Variants in KLHL6 observed in about 807,000 individuals in gnomAD.
KLHL6 encodes the protein kelch-like protein 6.
Under a neutral mutation model 58.6 loss-of-function variants are expected in KLHL6, and 41 were observed. The observed-to-expected ratio is 0.70, with a 90% CI of 0.55 to 0.91. The LOEUF (loss-of-function observed/expected upper bound fraction) is 0.91, where lower values mean the gene tolerates loss of function less well. KLHL6 is among the 40% of genes least tolerant of loss of function. KLHL6 has a pLI of 0.00. For missense variants in KLHL6, 714 were observed against 805.6 expected, an observed-to-expected ratio of 0.89 and a Z score of 1.38; for synonymous variants, 338 against 322.7, an observed-to-expected ratio of 1.05 and a Z score of -0.51.
chr3:183,505,290 T>C (rs1717972040), intron 3 of KLHL6, among the ~76,000 whole-genome samples: 2 of 152,248 alleles, frequency 1.3e-5, no homozygotes. Flanking sequence ...CAGACTGTTT[T>C]TGCAGTACCT....
rs780443236 is a variant in KLHL6 at position 183,499,858 on chromosome 3, G to C, written c.910-31C>G. 6.7e-7 allele frequency: 1 copy of C among 1,493,718 alleles called. No individual in the cohort carries two copies. The highest frequency in any genetic ancestry group is 2.1e-5 in the Admixed American group (1 of 47,792). 92.5% of individuals were successfully genotyped at this position (1,493,718 alleles called of 1,614,324 possible). A position where few individuals can be genotyped will look rare whatever the true frequency, so the allele number is the denominator to read the frequency against. ...AATCGATGGGGGTACATGAAGGCAG[G>C]GACAACACAAAGTTTCAGAGCTCGG... On this transcript the variant is annotated intron_variant, in intron 3 of 6. Coordinates refer to ENST00000341319, the MANE Select transcript of KLHL6 (RefSeq NM_130446.4). This position sits in a 1 kb window ranked among gnomAD's most constrained non-coding sequence, Gnocchi z 4.6.
intron 2 of KLHL6, among the ~76,000 whole-genome samples, chr3:183,515,605 GA>G (rs1163468045): frequency 6.6e-6 from 1 of 152,162 alleles, no homozygotes; most frequent in East Asian, 1.9e-4. Flanking sequence ...ACCTATTCAT[GA>G]AGTTCATTCT....
At chr3:183,511,183 CAT>C (rs1560097642) in intron 2 of KLHL6, among the ~76,000 whole-genome samples, 1 of 152,180 alleles carries the variant, frequency 6.6e-6, no homozygotes, top group African/African-American at 2.4e-5. Context: ...AGCAAGAAAA[CAT>C]GTGAGCAAAG....
chr3:183,520,771 T>C (rs1453274906), intron 2 of KLHL6: 1 of 152,124 alleles, frequency 6.6e-6, no homozygotes, highest in Non-Finnish European at 1.5e-5. Context: ...ATAAGGCGGT[T>C]TTCTCCTATC....
At position 183,491,984 on chromosome 3, in the gene KLHL6, G is replaced by A. The variant is rs1036194364; in HGVS notation, c.1809C>T (p.Thr603=). 2.5e-6 allele frequency: 4 copies of A among 1,576,098 alleles called. No individual in the cohort carries two copies. The South Asian group carries it at 4.6e-5, about 18-fold the overall frequency. ...PRGVSHHGSV[T]IRKSYTHIRR... Reference sequence around the variant, plus strand: ...GGATGTGGGTGTACGACTTCCTGATGGTGACGCTGCCGTGGTGCGACACGC... The same window carrying A: ...GGATGTGGGTGTACGACTTCCTGATAGTGACGCTGCCGTGGTGCGACACGC... The change falls in exon 7 of 7, where the codon ACC becomes ACT. Residue 603 remains threonine (T), a synonymous_variant. Coordinates refer to ENST00000341319, the MANE Select transcript of KLHL6 (RefSeq NM_130446.4).
At chr3:183,504,307 A>G (rs1261610251) in intron 3 of KLHL6, among the ~76,000 whole-genome samples, 2 of 152,216 alleles carry the variant, frequency 1.3e-5, no homozygotes, top group Non-Finnish European at 2.9e-5. Context: ...GTTACAGATC[A>G]GAACTGAGCC....
chr3:183,514,878 C>T (rs1013605703), intron 2 of KLHL6, among the ~76,000 whole-genome samples: 2 of 152,076 alleles, frequency 1.3e-5, no homozygotes, highest in Non-Finnish European at 2.9e-5. Flanking sequence ...CCATGTTGGC[C>T]ATTCTGGTCT....
chr3:183,497,590 G>A (rs999378796), intron 4 of KLHL6, among the ~76,000 whole-genome samples: 2 of 152,140 alleles, frequency 1.3e-5, no homozygotes, highest in Admixed American at 1.3e-4. Context: ...AATGGAATGT[G>A]AGCAAAATTG....
chr3:183,542,795 G>T (rs1712593398), intron 1 of KLHL6, among the ~76,000 whole-genome samples: 1 of 152,044 alleles, frequency 6.6e-6, no homozygotes, highest in Non-Finnish European at 1.5e-5. Flanking sequence ...ATTCATCTTT[G>T]TAAACTCTGT....
chr3:183,531,203 C>T (rs948356604), intron 1 of KLHL6, among the ~76,000 whole-genome samples: 2 of 151,962 alleles, frequency 1.3e-5, no homozygotes, highest in Non-Finnish European at 2.9e-5. Context: ...ACCACTGCCT[C>T]GGTTCAAGAA....
chr3:183,534,325 T>C (rs1230873080), intron 1 of KLHL6, among the ~76,000 whole-genome samples: 1 of 152,070 alleles, frequency 6.6e-6, no homozygotes, highest in East Asian at 1.9e-4. Flanking sequence ...TGTTGGAGTG[T>C]CCAGAGCAAG....
chr3:183,515,471 C>T (rs1711534426), intron 2 of KLHL6, among the ~76,000 whole-genome samples: 2 of 152,130 alleles, frequency 1.3e-5, no homozygotes, highest in African/African-American at 4.8e-5. Context: ...TTGCTTGAGC[C>T]TGGGAGTTCA....
chr3:183,526,252 G>A (rs533777133), intron 2 of KLHL6, among the ~76,000 whole-genome samples: 43 of 152,232 alleles, frequency 2.8e-4, no homozygotes, highest in Admixed American at 8.5e-4. Flanking sequence ...CAGAGGTTGC[G>A]GTGAACCAAG....
intron 1 of KLHL6, among the ~76,000 whole-genome samples, chr3:183,532,513 A>T (rs1712194903): frequency 6.6e-6 from 1 of 152,246 alleles, no homozygotes; most frequent in South Asian, 2.1e-4. Context: ...CCCAAATAAC[A>T]GTCTACGAGG....
At chr3:183,534,377 T>C (rs1164142492) in intron 1 of KLHL6, among the ~76,000 whole-genome samples, 1 of 152,170 alleles carries the variant, frequency 6.6e-6, no homozygotes, top group Non-Finnish European at 1.5e-5. Context: ...TATAGCATTT[T>C]ACAGTTTCTA....
rs1717517601 is a variant in KLHL6 at position 183,490,607 on chromosome 3, C to T, written c.*1320G>A. On this transcript the variant is annotated 3_prime_UTR_variant, in exon 7 of 7. Transcript: ENST00000341319. ...AGATCACAAGGTCAGGCGTTCAAGA[C>T]CAGCCTGGCCAAGATGGTGAAACCC... 1 of 152,070 alleles carries T rather than the reference C, an allele frequency of 6.6e-6. No individual in the cohort carries two copies. The highest frequency in any genetic ancestry group is 2.4e-5 in the African/African-American group (1 of 41,374). The allele number at this position is 152,070 out of a possible 1,614,324, so 9.4% of individuals were successfully genotyped here.
chr3:183,503,489 AG>A (rs1215021482), intron 3 of KLHL6, among the ~76,000 whole-genome samples: 3 of 152,198 alleles, frequency 2.0e-5, no homozygotes, highest in African/African-American at 7.2e-5. Context: ...AGGTTAGAAG[AG>A]AAAGATGGGC....
chr3:183,506,071 C>T (rs905971051), intron 3 of KLHL6, among the ~76,000 whole-genome samples: 27 of 152,294 alleles, frequency 1.8e-4, no homozygotes, highest in African/African-American at 6.0e-4. Flanking sequence ...TCCTGGGCCA[C>T]GTTTGGCTAA....
intron 1 of KLHL6, among the ~76,000 whole-genome samples, chr3:183,547,617 T>C (rs534838176): frequency 2.0e-5 from 3 of 152,328 alleles, no homozygotes; most frequent in African/African-American, 7.2e-5. Flanking sequence ...ACTGTGGACA[T>C]TTAGGTTGCT....
Sources: gnomAD v4.1 joint callset for allele counts (sites outside exome capture counted in the v4.1 genomes callset) on GRCh38, gnomAD v4.1.1 for gene constraint, Gnocchi (gnomAD v3.1) non-coding constraint, MANE v1.5 for transcripts, NCBI Gene and HGNC (gene_info 2026-07-23, HGNC 2026-07-21) for gene names.